The following GCNT1 variants were observed in gnomAD, a reference collection of about 807,000 sequenced individuals.
GCNT1 encodes the protein beta-1,3-galactosyl-O-glycosyl-glycoprotein beta-1,6-N-acetylglucosaminyltransferase.
In GCNT1, 16 loss-of-function variants were observed where a neutral mutation model predicts 26.2. The observed-to-expected ratio is 0.61, with a 90% CI of 0.41 to 0.93. The LOEUF (loss-of-function observed/expected upper bound fraction) is 0.93. Among genes scored for constraint, GCNT1 ranks in the 40% least tolerant of loss-of-function variants. GCNT1 has a pLI of 0.00. For synonymous variants in GCNT1, 183 were observed against 190.8 expected, an observed-to-expected ratio of 0.96 and a Z score of 0.34; for missense variants, 477 against 526.7, an observed-to-expected ratio of 0.91 and a Z score of 0.92.
intron 1 of GCNT1, among the ~76,000 whole-genome samples, chr9:76,436,066 C>T (rs1587409665): frequency 1.3e-5 from 2 of 151,410 alleles, no homozygotes; most frequent in African/African-American, 4.8e-5. Context: ...ATTCTCCCTC[C>T]TCAGCCTCCC....
chr9:76,426,790 G>A (rs28837371), intron 1 of GCNT1, among the ~76,000 whole-genome samples: 2,547 of 151,946 alleles, frequency 0.017, 68 homozygotes, highest in African/African-American at 0.058. Flanking sequence ...CCAGCTACTC[G>A]GGGGTGGCAG....
chr9:76,416,978 TGAACCTGGGAGATG>T (rs1273196059), upstream of GCNT1, among the ~76,000 whole-genome samples: 1 of 152,158 alleles, frequency 6.6e-6, no homozygotes, highest in African/African-American at 2.4e-5. Context: ...GAGAATCATT[TGAACCTGGGAGATG>T]GAGGTTGCAG....
At chr9:76,429,690 A>T in intron 1 of GCNT1, among the ~76,000 whole-genome samples, 1 of 150,916 alleles carries the variant, frequency 6.6e-6, no homozygotes, top group Non-Finnish European at 1.5e-5. Context: ...AATGAATAGA[A>T]GGTTTTCAAG....
chr9:76,474,338 AC>A (rs1296443897), intron 2 of GCNT1, among the ~76,000 whole-genome samples: 1 of 152,232 alleles, frequency 6.6e-6, no homozygotes, highest in African/African-American at 2.4e-5. Context: ...GACAAGAGGC[AC>A]AGAAACTTAC....
the GCNT1 span, among the ~76,000 whole-genome samples, chr9:76,397,589 T>A: frequency 2.0e-5 from 3 of 152,070 alleles, no homozygotes; most frequent in Non-Finnish European, 4.4e-5. Context: ...GACTACAGGT[T>A]TATGCCACCA....
chr9:76,425,223 A>G lies in GCNT1; in HGVS notation n.38+5336A>G, dbSNP rs1465146521. ...TCACCCAAAGCTAGTAAGGAATAGT[A>G]TTTTAATTTATTTTTTCAGACAGAG... On this transcript the variant is annotated intron_variant and non_coding_transcript_variant, in intron 1 of 3. Transcript: ENST00000488136. Among the ~76,000 whole-genome samples the G allele has an allele frequency of 4.0e-5, 6 of 150,026 alleles. No individual in the cohort carries two copies. In the East Asian group the frequency reaches 1.2e-3, roughly 30 times the overall value.
chr9:76,469,414 T>C (rs935524812), intron 2 of GCNT1, among the ~76,000 whole-genome samples: 3 of 152,088 alleles, frequency 2.0e-5, no homozygotes, highest in African/African-American at 7.2e-5. Context: ...AAATAGCCAA[T>C]CATCTATTGC....
At chr9:76,447,110 G>A (rs1385101705) in intron 1 of GCNT1, among the ~76,000 whole-genome samples, 27 of 134,422 alleles carry the variant, frequency 2.0e-4, no homozygotes, top group Non-Finnish European at 3.5e-4. Context: ...AGCTGGGAGC[G>A]TGCCACTGCA....
chr9:76,394,222 G>A, the GCNT1 span: 4 of 1,539,172 alleles, frequency 2.6e-6, no homozygotes, highest in South Asian at 1.2e-5. Flanking sequence ...GCGTCCTGCG[G>A]AGCCGCCGTC....
At chr9:76,415,962 T>C (rs1406776837), upstream of GCNT1, among the ~76,000 whole-genome samples, 1 of 152,108 alleles carries the variant, frequency 6.6e-6, no homozygotes, top group East Asian at 1.9e-4. Context: ...ATTATTGATA[T>C]GGACAGGAGG....
chr9:76,434,802 T>C (rs1390627939), intron 1 of GCNT1, among the ~76,000 whole-genome samples: 2 of 152,130 alleles, frequency 1.3e-5, no homozygotes, highest in South Asian at 2.1e-4. Context: ...AATATAATAT[T>C]AAGACCCTAG....
the GCNT1 span, chr9:76,394,143 C>G: frequency 6.2e-7 from 1 of 1,609,554 alleles, no homozygotes; most frequent in Non-Finnish European, 8.5e-7. Context: ...CACCACTTGA[C>G]CCCGGCAGAA....
At chr9:76,499,093 T>C (rs1384123373) in intron 2 of GCNT1, among the ~76,000 whole-genome samples, 1 of 152,060 alleles carries the variant, frequency 6.6e-6, no homozygotes, top group African/African-American at 2.4e-5. Flanking sequence ...TTTCTCATTG[T>C]TTTTGAATGA....
intron 2 of GCNT1, among the ~76,000 whole-genome samples, chr9:76,485,286 C>T (rs1824543997): frequency 6.6e-6 from 1 of 152,132 alleles, no homozygotes. Flanking sequence ...GATTATCCTG[C>T]CTTAGCCTCC....
chr9:76,434,623 C>A (rs1823383468), intron 1 of GCNT1, among the ~76,000 whole-genome samples: 1 of 152,026 alleles, frequency 6.6e-6, no homozygotes, highest in Non-Finnish European at 1.5e-5. Context: ...AATCAGTGCA[C>A]CTTGAAAACT....
intron 1 of GCNT1, among the ~76,000 whole-genome samples, chr9:76,443,004 A>G (rs547074107): frequency 6.6e-6 from 1 of 152,256 alleles, no homozygotes; most frequent in South Asian, 2.1e-4. Flanking sequence ...GGTGAGATAC[A>G]GCAGTAGCAT....
chr9:76,463,326 C>T (rs1489841185), intron 2 of GCNT1, among the ~76,000 whole-genome samples: 8 of 152,164 alleles, frequency 5.3e-5, no homozygotes, highest in African/African-American at 7.2e-5. Context: ...AAGCCAAGCA[C>T]GGCCCAGTGT....
At chr9:76,474,147 T>C (rs75843710) in intron 2 of GCNT1, among the ~76,000 whole-genome samples, 2,023 of 152,126 alleles carry the variant, frequency 0.013, 53 homozygotes, top group African/African-American at 0.046. Flanking sequence ...ATCAAAGAAA[T>C]CACAAAGTGA....
At chr9:76,428,774 C>T (rs1187453793) in intron 1 of GCNT1, among the ~76,000 whole-genome samples, 2 of 149,414 alleles carry the variant, frequency 1.3e-5, no homozygotes, top group African/African-American at 2.5e-5. Context: ...GATCTCAGCT[C>T]ATCGCAACCT....
Sources: allele counts gnomAD v4.1 joint callset (sites outside exome capture counted in the v4.1 genomes callset), GRCh38; gene constraint gnomAD v4.1.1; transcripts MANE v1.5; gene names NCBI Gene and HGNC (gene_info 2026-07-23, HGNC 2026-07-21).